Variants in DDX39A observed in about 807,000 individuals in gnomAD.
The protein encoded by DDX39A is DExD-box helicase 39A, also known as ATP-dependent RNA helicase DDX39A.
In DDX39A, 13 loss-of-function variants were observed where a neutral mutation model predicts 46.3. The observed-to-expected ratio is 0.28, with a 90% CI of 0.18 to 0.45. The LOEUF is 0.45. DDX39A is among the 20% of genes least tolerant of loss of function. The pLI, the probability that DDX39A is intolerant of heterozygous loss-of-function variation, is 1.00. For missense variants in DDX39A, 352 were observed against 581.8 expected (o/e 0.61, Z 4.06); for synonymous variants, 234 against 224.6 (o/e 1.04, Z -0.38).
intron 1 of DDX39A, among the ~76,000 whole-genome samples, chr19:14,418,654 G>A (rs775484677): frequency 1.3e-5 from 2 of 152,000 alleles, no homozygotes; most frequent in Non-Finnish European, 2.9e-5. Context: ...TAGAGACGAG[G>A]TTTCACCATG....
chr19:14,410,072 G>C lies in DDX39A; in HGVS notation c.732+144C>G. On this transcript the variant is annotated intron_variant, in intron 6 of 10. Coordinates refer to ENST00000242776, the MANE Select transcript of DDX39A (RefSeq NM_005804.4). The surrounding 1 kb of genome is among the most constrained non-coding windows in gnomAD (Gnocchi z 4.3). Reference sequence around the variant, plus strand: ...GTGGACCAAGCTTGACTCCCAGTTTGACAAGACCGAGGGGAGGAAAGGAGG... The same window carrying C: ...GTGGACCAAGCTTGACTCCCAGTTTCACAAGACCGAGGGGAGGAAAGGAGG... The C allele has an allele frequency of 9.7e-7, 1 of 1,028,946 alleles. No individual in the cohort carries two copies. Among genetic ancestry groups the C allele is most frequent in the Non-Finnish European group, 1.5e-6 (1 of 666,700 alleles). 63.7% of individuals were successfully genotyped at this position (1,028,946 alleles called of 1,614,324 possible).
Position 14,409,862 on chromosome 19 carries a change from C to T in DDX39A, c.744G>A (p.Val248=). The T allele has an allele frequency of 6.2e-7, 1 of 1,614,064 alleles. No individual in the cohort carries two copies. Among genetic ancestry groups the T allele is most frequent in the Non-Finnish European group, 8.5e-7 (1 of 1,180,024 alleles). Residue 248 remains valine, a synonymous_variant, in exon 7 of 11, where the codon GTG becomes GTA. Coordinates refer to ENST00000242776, the MANE Select transcript of DDX39A (RefSeq NM_005804.4). The surrounding 1 kb of genome is among the most constrained non-coding windows in gnomAD (Gnocchi z 8.3). The stretch of plus-strand genomic sequence containing the variant: ...TGAGCTTGGTCTCGTCGTCCACAAA[C>T]ACCTCCATGGGCTGTGTGGGAAGGG... The part of the protein sequence containing the change: ...CRKFMQDPME[V]FVDDETKLTL...
At position 14,419,341 on chromosome 19, in the gene DDX39A, C is replaced by T. The variant is rs961373134; in HGVS notation, c.-76G>A. The stretch of plus-strand genomic sequence containing the variant: ...TTCGGTTTTCCGCCGGGCGCTCAGA[C>T]ACGAGTTGCTGCGCTTCCTGCCTCT... On this transcript the variant is annotated 5_prime_UTR_variant, in exon 1 of 11. Coordinates refer to ENST00000242776, the MANE Select transcript of DDX39A (RefSeq NM_005804.4). The T allele has an allele frequency of 4.5e-6, 1 of 222,568 alleles. No homozygotes were observed. The highest frequency in any genetic ancestry group is 2.4e-5 in the African/African-American group (1 of 41,908). The allele number at this position is 222,568 out of a possible 1,614,324, so 13.8% of individuals were successfully genotyped here.
chr19:14,411,714 G>A lies in DDX39A; in HGVS notation c.337-116C>T, dbSNP rs1285189121. On this transcript the variant is annotated intron_variant, in intron 3 of 10. Coordinates refer to ENST00000242776, the MANE Select transcript of DDX39A (RefSeq NM_005804.4). This position sits in a 1 kb window ranked among gnomAD's most constrained non-coding sequence, Gnocchi z 4.1. ...CTGCACCCAACATCACAGGCCATTT[G>A]AAGGCCCGGTCCAAATGCCTCCCAC... The A allele has an allele frequency of 1.4e-5, 12 of 880,814 alleles. No homozygotes were observed. Among genetic ancestry groups the A allele is most frequent in the Non-Finnish European group, 2.2e-5 (12 of 552,070 alleles). The allele number at this position is 880,814 out of a possible 1,614,324, so 54.6% of individuals were successfully genotyped here. A position where few individuals can be genotyped will look rare whatever the true frequency, so the allele number is the denominator to read the frequency against.
chr19:14,419,301 A>C lies in DDX39A; in HGVS notation c.-36T>G, dbSNP rs1049431903. On this transcript the variant is annotated 5_prime_UTR_variant, in exon 1 of 11. Transcript: ENST00000242776. The stretch of plus-strand genomic sequence containing the variant: ...CCCCGTTCTTCTCCGCGCGCTGCTA[A>C]GAGACACTTCCAACTTCGGTTTTCC... The C allele has an allele frequency of 4.0e-6, 1 of 247,254 alleles. No individual in the cohort carries two copies. The highest frequency in any genetic ancestry group is 8.2e-6 in the Non-Finnish European group (1 of 121,528). 15.3% of individuals were successfully genotyped at this position (247,254 alleles called of 1,614,324 possible).
chr19:14,414,250 CA>C (rs1441372458), intron 1 of DDX39A, among the ~76,000 whole-genome samples: 1 of 151,998 alleles, frequency 6.6e-6, no homozygotes, highest in African/African-American at 2.4e-5. Flanking sequence ...GTCCATGAGG[CA>C]GTGAATCCCA....
In DDX39A at chr19:14,412,795, G is replaced by A; in HGVS notation, c.209-117C>T. ...ATCAGAAGAGGCCGAGTCCGGACAA[G>A]GCCACAGACACCTGCAGGGCTGGGG... On this transcript the variant is annotated intron_variant, in intron 2 of 10. Transcript: ENST00000242776. This position sits in a 1 kb window ranked among gnomAD's most constrained non-coding sequence, Gnocchi z 4.4. 7.0e-7 allele frequency: 1 copy of A among 1,419,984 alleles called. No homozygotes were observed. 88.0% of individuals were successfully genotyped at this position (1,419,984 alleles called of 1,614,324 possible).
At chr19:14,415,034 TCA>T (rs938374314) in intron 1 of DDX39A, among the ~76,000 whole-genome samples, 1 of 151,766 alleles carries the variant, frequency 6.6e-6, no homozygotes, top group Non-Finnish European at 1.5e-5. Context: ...TTTAGTGTAG[TCA>T]CAGACATGTG....
intron 1 of DDX39A, chr19:14,414,088 G>C (rs868108085): frequency 6.6e-6 from 1 of 152,108 alleles, no homozygotes; most frequent in Admixed American, 6.6e-5. Context: ...ACTCCAGTGG[G>C]GGGTGGAGCA....
rs1238469066 is a variant in DDX39A at position 14,409,211 on chromosome 19, GCCACAGATACTACCT to G, written c.1120-42_1120-28del. On this transcript the variant is annotated intron_variant, in intron 9 of 10. Transcript: ENST00000242776. The surrounding 1 kb of genome is among the most constrained non-coding windows in gnomAD (Gnocchi z 8.3). Reference sequence around the variant, plus strand: ...TGCAGGCAGACAGGATCAGGGTCAGGCCACAGATACTACCTCAGGACTTGAGGAAAAGCAGGGCTG... The same window carrying G: ...TGCAGGCAGACAGGATCAGGGTCAGGCAGGACTTGAGGAAAAGCAGGGCTG... 2.5e-6 allele frequency: 4 copies of G among 1,613,894 alleles called. No homozygotes were observed. The African/African-American group carries it at 4.0e-5, about 16-fold the overall frequency.
Position 14,412,918 on chromosome 19 carries a change from C to T in DDX39A, c.208+95G>A. 7.0e-7 allele frequency: 1 copy of T among 1,434,212 alleles called. No individual in the cohort carries two copies. The highest frequency in any genetic ancestry group is 9.5e-7 in the Non-Finnish European group (1 of 1,052,004). The allele number at this position is 1,434,212 out of a possible 1,614,324, so 88.8% of individuals were successfully genotyped here. ...CGGGACAGACGGGCCCCTCCCTCACCCACGGCAAACTGGAGGCGGCACCGC... is the reference window on the plus strand; with the variant it reads ...CGGGACAGACGGGCCCCTCCCTCACTCACGGCAAACTGGAGGCGGCACCGC... On this transcript the variant is annotated intron_variant, in intron 2 of 10. Coordinates refer to ENST00000242776, the MANE Select transcript of DDX39A (RefSeq NM_005804.4). The surrounding 1 kb of genome is among the most constrained non-coding windows in gnomAD (Gnocchi z 4.4).
Position 14,409,128 on chromosome 19 carries a change from G to T in DDX39A, c.1176C>A (p.Asp392Glu), listed in dbSNP as rs578171038. The T allele has an allele frequency of 3.7e-6, 6 of 1,614,184 alleles. No homozygotes were observed. In the East Asian group the frequency reaches 6.7e-5, roughly 18 times the overall value. ...CATTGAGGATTTTGGCATCATTCTC[G>T]TCAGACACAAAAGTGATGGCTAGGC... ...TKGLAITFVS[D>E]ENDAKILNDV... is the part of the protein sequence containing the mutation. Residue 392 changes from aspartate (D) to glutamate (E), a missense_variant, in exon 10 of 11, where the codon GAC (aspartate) becomes GAA (glutamate). Physicochemically the swap from Asp to Glu is conservative, Grantham distance 45 (BLOSUM62 2). This residue lies in a region of DDX39A where 301 missense variants were observed against 469.9 expected (regional missense o/e 0.64). Coordinates refer to ENST00000242776, the MANE Select transcript of DDX39A (RefSeq NM_005804.4). The surrounding 1 kb of genome is among the most constrained non-coding windows in gnomAD (Gnocchi z 8.3).
intron 1 of DDX39A, among the ~76,000 whole-genome samples, chr19:14,414,519 T>G (rs1170268836): frequency 6.7e-6 from 1 of 149,736 alleles, no homozygotes; most frequent in Non-Finnish European, 1.5e-5. Context: ...CCCAGCTAAT[T>G]TTTGTAGTTT....
chr19:14,412,025 A>G lies in DDX39A; in HGVS notation c.337-427T>C, dbSNP rs1363810255. Among the ~76,000 whole-genome samples, 1 of 152,176 alleles carries G rather than the reference A, an allele frequency of 6.6e-6. No homozygotes were observed. Among genetic ancestry groups the G allele is most frequent in the African/African-American group, 2.4e-5 (1 of 41,436 alleles). ...TTCATCCTTCAGGATGTGCTCTGAGATAACGAGGGCACGGGCGCCAATATG... is the reference window on the plus strand; with the variant it reads ...TTCATCCTTCAGGATGTGCTCTGAGGTAACGAGGGCACGGGCGCCAATATG... On this transcript the variant is annotated intron_variant, in intron 3 of 10. Coordinates refer to ENST00000242776, the MANE Select transcript of DDX39A (RefSeq NM_005804.4). The surrounding 1 kb of genome is among the most constrained non-coding windows in gnomAD (Gnocchi z 4.4).
chr19:14,418,452 T>A (rs1328147520), intron 1 of DDX39A, among the ~76,000 whole-genome samples: 1 of 151,966 alleles, frequency 6.6e-6, no homozygotes, highest in Non-Finnish European at 1.5e-5. Flanking sequence ...CAAAAGAAAA[T>A]CTTTTTTTCA....
At chr19:14,418,413 G>A (rs1976907078) in intron 1 of DDX39A, among the ~76,000 whole-genome samples, 1 of 152,154 alleles carries the variant, frequency 6.6e-6, no homozygotes, top group Admixed American at 6.6e-5. Flanking sequence ...CCACCCCGGA[G>A]TTTATTCCCA....
At position 14,408,943 on chromosome 19, in the gene DDX39A, C is replaced by A; in HGVS notation, c.1277G>T (p.Ser426Ile). The A allele has an allele frequency of 6.3e-7, 1 of 1,596,836 alleles. No homozygotes were observed. Among genetic ancestry groups the A allele is most frequent in the Non-Finnish European group, 8.6e-7 (1 of 1,168,752 alleles). Reference sequence around the variant, plus strand: ...GGCTCTGGCACGTGGTGGTTACCGGCTCTGCTCGACTGTAAGACATGAGAT... The same window carrying A: ...GGCTCTGGCACGTGGTGGTTACCGGATCTGCTCGACTGTAAGACATGAGAT... ...EIDISTYIEQ[S>I]R Residue 426 changes from serine to isoleucine, a missense_variant, in exon 11 of 11, where the codon AGC (serine) becomes ATC (isoleucine). Ser to Ile is a moderately radical substitution (Grantham distance 142). Coordinates refer to ENST00000242776, the MANE Select transcript of DDX39A (RefSeq NM_005804.4).
chr19:14,417,596 G>A (rs145655931), intron 1 of DDX39A, among the ~76,000 whole-genome samples: 14,200 of 152,130 alleles, frequency 0.093, 787 homozygotes, highest in Middle Eastern at 0.17. Context: ...TAACAAACCT[G>A]CACGTTGTGC....
chr19:14,410,599 G>T lies in DDX39A; in HGVS notation c.614-265C>A. 1.9e-6 allele frequency: 1 copy of T among 533,988 alleles called. No homozygotes were observed. The highest frequency in any genetic ancestry group is 2.0e-5 in the South Asian group (1 of 49,420). 33.1% of individuals were successfully genotyped at this position (533,988 alleles called of 1,614,324 possible). On this transcript the variant is annotated intron_variant, in intron 5 of 10. Coordinates refer to ENST00000242776, the MANE Select transcript of DDX39A (RefSeq NM_005804.4). This position sits in a 1 kb window ranked among gnomAD's most constrained non-coding sequence, Gnocchi z 4.3. ...TGCGCCTCGAGCCACGCTTCAGGGA[G>T]GGGAGCCTGAGGCAGAGACAGCCGC...
Sources: allele counts gnomAD v4.1 joint callset (sites outside exome capture counted in the v4.1 genomes callset), GRCh38; gene constraint gnomAD v4.1.1; regional missense constraint gnomAD v4.1.1; non-coding constraint Gnocchi (gnomAD v3.1); transcripts MANE v1.5; gene names NCBI Gene and HGNC (gene_info 2026-07-23, HGNC 2026-07-21).